NOL4: variants seen among roughly 807,000 people sequenced by gnomAD.
NOL4 encodes cancer/testis antigen 125.
Under a neutral mutation model 75.9 loss-of-function variants are expected in NOL4, and 17 were observed. The observed-to-expected ratio is 0.22, with a 90% CI of 0.15 to 0.34. NOL4 has a LOEUF of 0.34. Ranked by LOEUF, NOL4 falls within the 10% of genes least tolerant of loss-of-function variation. The probability of loss-of-function intolerance (pLI) is 1.00; values close to 1 mark genes in which losing one functional copy is unlikely to be tolerated. For missense variants in NOL4, 614 were observed against 793.5 expected (o/e 0.77, Z 2.72); for synonymous variants, 292 against 289.9 (o/e 1.01, Z -0.07).
chr18:34,161,221 G>A (rs771487484), intron 1 of NOL4, among the ~76,000 whole-genome samples: 34 of 152,086 alleles, frequency 2.2e-4, no homozygotes, highest in South Asian at 6.2e-4. Context: ...TCTGTTGATC[G>A]ACACTTAGGA....
At chr18:33,869,060 T>C (rs570793281) in intron 10 of NOL4, among the ~76,000 whole-genome samples, 30 of 152,062 alleles carry the variant, frequency 2.0e-4, no homozygotes, top group African/African-American at 6.7e-4. Flanking sequence ...ATCAATAACC[T>C]AACAAATATG....
chr18:33,975,817 A>G (rs563981240), intron 6 of NOL4, among the ~76,000 whole-genome samples: 36 of 152,312 alleles, frequency 2.4e-4, no homozygotes, highest in African/African-American at 8.2e-4. Flanking sequence ...ACACATGGAA[A>G]TAAAATGCCC....
intron 10 of NOL4, among the ~76,000 whole-genome samples, chr18:33,874,264 G>A (rs959505106): frequency 6.6e-6 from 1 of 151,836 alleles, no homozygotes; most frequent in Non-Finnish European, 1.5e-5. Flanking sequence ...AGAAATTCTA[G>A]AAAGGCAGCA....
At chr18:34,074,729 T>C (rs1454463744) in intron 5 of NOL4, among the ~76,000 whole-genome samples, 2 of 152,098 alleles carry the variant, frequency 1.3e-5, no homozygotes, top group Non-Finnish European at 2.9e-5. Flanking sequence ...TTTTCTCTTC[T>C]GGTTATCAAA....
intron 1 of NOL4, among the ~76,000 whole-genome samples, chr18:34,160,028 TGCTCAGA>T (rs1020374964): frequency 1.3e-5 from 2 of 152,184 alleles, no homozygotes; most frequent in African/African-American, 2.4e-5. Context: ...GAACAGATTT[TGCTCAGA>T]GCCCAACTGA....
chr18:33,918,923 C>T (rs1002121089), intron 9 of NOL4, among the ~76,000 whole-genome samples: 1 of 151,862 alleles, frequency 6.6e-6, no homozygotes, highest in Non-Finnish European at 1.5e-5. Context: ...CCACTTACTA[C>T]CCTATAGATA....
At position 33,874,857 on chromosome 18, in the gene NOL4, C is replaced by T. The variant is rs117542573; in HGVS notation, c.1723+8387G>A. 3.1e-3 allele frequency among the ~76,000 whole-genome samples: 469 copies of T among 152,054 alleles called. 2 individuals carry two copies. The highest frequency in any genetic ancestry group is 3.7e-3 in the Non-Finnish European group (253 of 67,950). On this transcript the variant is annotated intron_variant, in intron 10 of 10. Coordinates refer to ENST00000261592, the MANE Select transcript of NOL4 (RefSeq NM_003787.5). The stretch of plus-strand genomic sequence containing the variant: ...CTAGTGTGATGGTGAATCTTATGGC[C>T]AAGTTTCCTTAGGCTCATAACTAAA...
At chr18:34,133,272 CA>C (rs1230503382) in intron 1 of NOL4, among the ~76,000 whole-genome samples, 11,718 of 57,908 alleles carry the variant, frequency 0.2, 594 homozygotes, top group African/African-American at 0.34. Context: ...AACTCCGTCT[CA>C]AAAAAAAAAA....
At chr18:33,935,937 T>A (rs1444860246) in intron 9 of NOL4, among the ~76,000 whole-genome samples, 1 of 152,106 alleles carries the variant, frequency 6.6e-6, no homozygotes, top group Non-Finnish European at 1.5e-5. Context: ...AGAATAAGTG[T>A]GGACTGGCAG....
intron 9 of NOL4, among the ~76,000 whole-genome samples, chr18:33,938,165 C>T (rs138820248): frequency 2.6e-5 from 4 of 152,112 alleles, no homozygotes; most frequent in Middle Eastern, 3.4e-3. Context: ...TGGCCTTGCA[C>T]AAATCATTCC....
At chr18:33,903,078 A>C (rs2065835711) in intron 9 of NOL4, among the ~76,000 whole-genome samples, 1 of 152,198 alleles carries the variant, frequency 6.6e-6, no homozygotes, top group Admixed American at 6.6e-5. Flanking sequence ...TAATCACTTA[A>C]AGGTTTCAGA....
chr18:34,181,341 A>T (rs972571946), intron 1 of NOL4, among the ~76,000 whole-genome samples: 1 of 151,594 alleles, frequency 6.6e-6, no homozygotes, highest in South Asian at 2.1e-4. Context: ...TTTTCCACAA[A>T]TGGTGCTGTG....
At chr18:34,082,523 A>G (rs568798853) in intron 5 of NOL4, among the ~76,000 whole-genome samples, 1 of 152,256 alleles carries the variant, frequency 6.6e-6, no homozygotes, top group East Asian at 1.9e-4. Context: ...AAATAATTTG[A>G]TTTTATATGG....
intron 1 of NOL4, among the ~76,000 whole-genome samples, chr18:34,144,200 GT>G (rs905718374): frequency 1.3e-5 from 2 of 152,078 alleles, no homozygotes; most frequent in African/African-American, 4.8e-5. Context: ...TACTTAATAA[GT>G]TTATATCATT....
intron 10 of NOL4, among the ~76,000 whole-genome samples, chr18:33,863,346 C>T (rs1599664394): frequency 6.6e-6 from 1 of 151,932 alleles, no homozygotes; most frequent in Non-Finnish European, 1.5e-5. Flanking sequence ...GGGTGCAGCA[C>T]ACCAGCATGT....
At chr18:34,008,189 T>G (rs1467130456) in intron 6 of NOL4, among the ~76,000 whole-genome samples, 5 of 151,948 alleles carry the variant, frequency 3.3e-5, no homozygotes, top group Admixed American at 3.3e-4. Context: ...GGGTTTATGG[T>G]CTTCTAATTC....
intron 6 of NOL4, among the ~76,000 whole-genome samples, chr18:33,998,531 GCTAT>G (rs2073457315): frequency 6.6e-6 from 1 of 152,062 alleles, no homozygotes; most frequent in Non-Finnish European, 1.5e-5. Context: ...TTATATTTAT[GCTAT>G]CTATTACATG....
intron 9 of NOL4, among the ~76,000 whole-genome samples, chr18:33,940,084 A>G (rs944298565): frequency 2.0e-5 from 3 of 152,112 alleles, no homozygotes; most frequent in Non-Finnish European, 4.4e-5. Flanking sequence ...AGGAATAGGA[A>G]CGCTTTCACA....
rs1231120389 is a variant in NOL4, at chr18:33,882,533, A to G, written c.1723+711T>C. 5.9e-5 allele frequency among the ~76,000 whole-genome samples: 9 copies of G among 151,412 alleles called. No individual in the cohort carries two copies. In the East Asian group the frequency reaches 7.8e-4, roughly 13 times the overall value. ...ACCATCTCACACCAGTTAGAATGGC[A>G]ATCATTAAAAAGTCAGGAAACAACA... is the stretch of plus-strand genomic sequence containing the variant. On this transcript the variant is annotated intron_variant, in intron 10 of 10. Transcript: ENST00000261592.
Sources: gnomAD v4.1 joint callset for allele counts (sites outside exome capture counted in the v4.1 genomes callset) on GRCh38, gnomAD v4.1.1 for gene constraint, MANE v1.5 for transcripts, NCBI Gene and HGNC (gene_info 2026-07-23, HGNC 2026-07-21) for gene names.